MACROD2: variants seen among roughly 807,000 people sequenced by gnomAD.
The protein encoded by MACROD2 is mono-ADP ribosylhydrolase 2.
MACROD2 carries 36 observed loss-of-function variants against 70.4 expected under a neutral mutation model. That is an observed-to-expected ratio of 0.51 (90% CI 0.39 to 0.68). The LOEUF is 0.68. Among genes scored for constraint, MACROD2 ranks in the 30% least tolerant of loss-of-function variants. The pLI is 0.00. For synonymous variants in MACROD2, 172 were observed against 178.8 expected, an observed-to-expected ratio of 0.96 and a Z score of 0.30; for missense variants, 496 against 538.4, an observed-to-expected ratio of 0.92 and a Z score of 0.78.
intron 6 of MACROD2, among the ~76,000 whole-genome samples, chr20:15,424,539 G>A (rs6110601): frequency 0.33 from 50,006 of 151,928 alleles, 8,478 homozygotes; most frequent in South Asian, 0.39. Context: ...GAAACATAGT[G>A]AGACCTCGTC....
At chr20:14,325,696 A>G (rs1212642318) in intron 3 of MACROD2, 2 of 1,613,812 alleles carry the variant, frequency 1.2e-6, no homozygotes, top group Non-Finnish European at 1.7e-6. Context: ...CTCCTTCGAG[A>G]TGGGTTCATT....
intron 2 of MACROD2, among the ~76,000 whole-genome samples, chr20:14,063,513 A>G (rs1424653789): frequency 6.6e-6 from 1 of 152,212 alleles, no homozygotes; most frequent in Non-Finnish European, 1.5e-5. Context: ...ACTCCAAAAT[A>G]TGAAACTTTT....
chr20:14,799,701 T>C (rs1252078536), intron 5 of MACROD2, among the ~76,000 whole-genome samples: 4 of 152,066 alleles, frequency 2.6e-5, no homozygotes, highest in Non-Finnish European at 5.9e-5. Context: ...GGACTGGCTC[T>C]CACATTAAGT....
intron 8 of MACROD2, among the ~76,000 whole-genome samples, chr20:15,612,780 A>G (rs2048987174): frequency 6.6e-6 from 1 of 152,226 alleles, no homozygotes; most frequent in Non-Finnish European, 1.5e-5. Flanking sequence ...CAAAAAAGAG[A>G]AAATTTTACA....
Position 14,862,713 on chromosome 20 carries a change from A to AT in MACROD2, c.418+177755dup, listed in dbSNP as rs1176505296. On this transcript the variant is annotated intron_variant, in intron 5 of 17. Transcript: ENST00000684519. ...TAAATATATATAAATATATATATATATATTTTTTTTTAATAGAGAGGATGA... is the reference window on the plus strand; with the variant it reads ...TAAATATATATAAATATATATATATATTATTTTTTTTTAATAGAGAGGATGA... Among the ~76,000 whole-genome samples, 104 of 92,134 alleles carry AT rather than the reference A, an allele frequency of 1.1e-3. 4 individuals carry two copies. The highest frequency in any genetic ancestry group is 4.1e-3 in the African/African-American group (88 of 21,522). The allele number at this position is 92,134 out of a possible 152,430, so 60.4% of individuals were successfully genotyped here.
At chr20:14,152,272 AT>A (rs901302279) in intron 3 of MACROD2, among the ~76,000 whole-genome samples, 5 of 152,196 alleles carry the variant, frequency 3.3e-5, no homozygotes, top group African/African-American at 1.2e-4. Context: ...ATCAACTAAA[AT>A]ATCTGATCTA....
At chr20:14,844,494 G>T (rs890581144) in intron 5 of MACROD2, among the ~76,000 whole-genome samples, 20 of 152,002 alleles carry the variant, frequency 1.3e-4, no homozygotes, top group African/African-American at 4.3e-4. Context: ...TCCAGCCTTG[G>T]TGACAGAGCA....
At chr20:14,632,974 T>G (rs1346626422) in intron 4 of MACROD2, among the ~76,000 whole-genome samples, 2 of 152,210 alleles carry the variant, frequency 1.3e-5, no homozygotes, top group Non-Finnish European at 2.9e-5. Flanking sequence ...CAACTGAAAT[T>G]TTTTCTCTCA....
chr20:15,272,283 A>G (rs1166278688), intron 6 of MACROD2, among the ~76,000 whole-genome samples: 2 of 152,226 alleles, frequency 1.3e-5, no homozygotes, highest in Non-Finnish European at 2.9e-5. Context: ...GTATTCATTA[A>G]AATGTTTTTC....
intron 5 of MACROD2, among the ~76,000 whole-genome samples, chr20:15,161,318 A>C (rs2076346928): frequency 6.6e-6 from 1 of 151,090 alleles, no homozygotes; most frequent in Admixed American, 6.6e-5. Context: ...TAGTACGATA[A>C]TTTGAGTTAT....
intron 5 of MACROD2, among the ~76,000 whole-genome samples, chr20:15,100,630 A>T (rs2123192401): frequency 6.6e-6 from 1 of 152,292 alleles, no homozygotes; most frequent in African/African-American, 2.4e-5. Context: ...GAAGGAGAAG[A>T]CAGAAGTAAG....
chr20:14,002,646 T>C (rs2052749118), intron 2 of MACROD2, among the ~76,000 whole-genome samples: 1 of 152,176 alleles, frequency 6.6e-6, no homozygotes, highest in African/African-American at 2.4e-5. Flanking sequence ...TTACAGGTCC[T>C]TTTTTATTTT....
At chr20:15,811,937 G>A (rs927170808) in intron 8 of MACROD2, among the ~76,000 whole-genome samples, 6 of 152,172 alleles carry the variant, frequency 3.9e-5, no homozygotes, top group Non-Finnish European at 8.8e-5. Flanking sequence ...TAAAAGTTGA[G>A]TCAAGCTGCA....
intron 5 of MACROD2, among the ~76,000 whole-genome samples, chr20:14,907,204 A>C (rs1169590650): frequency 1.3e-5 from 2 of 152,330 alleles, no homozygotes; most frequent in East Asian, 3.9e-4. Flanking sequence ...AAATTTCTGC[A>C]TAATCTGCCC....
chr20:14,058,834 A>G lies in MACROD2; in HGVS notation c.164-26787A>G, dbSNP rs183748338. Among the ~76,000 whole-genome samples, 672 of 151,770 alleles carry G rather than the reference A, an allele frequency of 4.4e-3. 4 individuals are homozygous for G. The highest frequency in any genetic ancestry group is 0.015 in the African/African-American group (639 of 41,420). Reference sequence around the variant, plus strand: ...AATTTTTGTATTTTTAGTAGAGACGAGGTTTCACAATGTTGGCCAGGATGG... The same window carrying G: ...AATTTTTGTATTTTTAGTAGAGACGGGGTTTCACAATGTTGGCCAGGATGG... On this transcript the variant is annotated intron_variant, in intron 2 of 17. Coordinates refer to ENST00000684519, the MANE Select transcript of MACROD2 (RefSeq NM_001351661.2).
intron 5 of MACROD2, among the ~76,000 whole-genome samples, chr20:14,996,949 A>ATTT (rs2074955275): frequency 6.6e-6 from 1 of 152,178 alleles, no homozygotes; most frequent in Admixed American, 6.5e-5. Flanking sequence ...TTTCAAAAAA[A>ATTT]TTTGAAAGGC....
chr20:14,128,291 G>T, intron 3 of MACROD2: 1 of 212,918 alleles, frequency 4.7e-6, no homozygotes, highest in Non-Finnish European at 9.7e-6. Context: ...TGAAAGGGAA[G>T]GGAGGGTGTA....
intron 8 of MACROD2, among the ~76,000 whole-genome samples, chr20:15,567,345 T>C (rs1200019316): frequency 6.6e-6 from 1 of 152,216 alleles, no homozygotes; most frequent in Admixed American, 6.5e-5. Flanking sequence ...GATGTAGATA[T>C]CTGAGTGTTT....
At chr20:14,237,693 T>TC (rs569732095) in intron 3 of MACROD2, among the ~76,000 whole-genome samples, 967 of 57,138 alleles carry the variant, frequency 0.017, 6 homozygotes, top group Non-Finnish European at 0.022. Context: ...CCCTCTCCCC[T>TC]CCCCCCCACC....
Sources: gnomAD v4.1 joint callset for allele counts (sites outside exome capture counted in the v4.1 genomes callset) on GRCh38, gnomAD v4.1.1 for gene constraint, MANE v1.5 for transcripts, NCBI Gene and HGNC (gene_info 2026-07-23, HGNC 2026-07-21) for gene names.